The following KHDRBS2 variants were observed in gnomAD, a reference collection of about 807,000 sequenced individuals.
KHDRBS2 encodes the protein KH domain-containing, RNA-binding, signal transduction-associated protein 2.
A neutral mutation model predicts 44.3 loss-of-function variants in KHDRBS2; 26 were observed. The ratio of observed to expected loss-of-function variants is 0.59; its 90% CI spans 0.43 to 0.81. The LOEUF (loss-of-function observed/expected upper bound fraction) is 0.81. KHDRBS2 is among the 40% of genes least tolerant of loss of function. KHDRBS2 has a pLI of 0.00. For missense variants in KHDRBS2, 476 were observed against 433.1 expected, an observed-to-expected ratio of 1.10 and a Z score of -0.88; for synonymous variants, 194 against 151.1, an observed-to-expected ratio of 1.28 and a Z score of -2.08.
chr6:61,658,300 TA>T, the KHDRBS2 span, among the ~76,000 whole-genome samples: 1 of 151,900 alleles, frequency 6.6e-6, no homozygotes, highest in Non-Finnish European at 1.5e-5. Flanking sequence ...TTTATTGTTT[TA>T]TTTACTATTC....
rs553789413 is a variant in KHDRBS2 at position 61,823,500 on chromosome 6, TGCCAAGTGA to T, written c.810+71126_810+71134del. Reference sequence around the variant, plus strand: ...TGATGGTTAAAGACATAGTCTAATGTGCCAAGTGAGCAAGTTCAGAAATAGAATATTTCT... The same window carrying T: ...TGATGGTTAAAGACATAGTCTAATGTGCAAGTTCAGAAATAGAATATTTCT... On this transcript the variant is annotated intron_variant, in intron 6 of 8. Coordinates refer to ENST00000281156, the MANE Select transcript of KHDRBS2 (RefSeq NM_152688.4). Among the ~76,000 whole-genome samples, 639 of 152,218 alleles carry T rather than the reference TGCCAAGTGA, an allele frequency of 4.2e-3. 7 individuals are homozygous for T. Among genetic ancestry groups the T allele is most frequent in the African/African-American group, 0.015 (614 of 41,560 alleles).
At chr6:62,067,933 T>TA (rs1202287507) in intron 2 of KHDRBS2, among the ~76,000 whole-genome samples, 1 of 151,638 alleles carries the variant, frequency 6.6e-6, no homozygotes, top group Non-Finnish European at 1.5e-5. Flanking sequence ...TGTGGATATA[T>TA]TTTGTCTATT....
chr6:61,570,465 G>A, the KHDRBS2 span, among the ~76,000 whole-genome samples: 10 of 151,940 alleles, frequency 6.6e-5, no homozygotes, highest in African/African-American at 2.4e-4. Context: ...TGAAAAAGAA[G>A]AGAAATCTTA....
intron 3 of KHDRBS2, among the ~76,000 whole-genome samples, chr6:61,980,664 C>A (rs1310474933): frequency 6.6e-6 from 1 of 151,992 alleles, no homozygotes; most frequent in East Asian, 1.9e-4. Flanking sequence ...TGTTCAGGAC[C>A]CAGATGGCAT....
At chr6:61,702,215 G>A (rs946430749) in intron 7 of KHDRBS2, among the ~76,000 whole-genome samples, 2 of 151,904 alleles carry the variant, frequency 1.3e-5, no homozygotes, top group African/African-American at 2.4e-5. Context: ...ACCTTTGAGT[G>A]TCTATGTGCA....
At chr6:61,992,218 A>C (rs763706362) in intron 3 of KHDRBS2, among the ~76,000 whole-genome samples, 1 of 152,162 alleles carries the variant, frequency 6.6e-6, no homozygotes, top group Non-Finnish European at 1.5e-5. Context: ...CCTAAACTTC[A>C]ACAATTTTAT....
chr6:61,855,900 C>A (rs1291723439), intron 6 of KHDRBS2, among the ~76,000 whole-genome samples: 1 of 152,012 alleles, frequency 6.6e-6, no homozygotes, highest in Non-Finnish European at 1.5e-5. Context: ...CTTTCTCTCA[C>A]TCAGCCCACT....
At chr6:61,775,890 A>G (rs1239732320) in intron 6 of KHDRBS2, among the ~76,000 whole-genome samples, 2 of 152,200 alleles carry the variant, frequency 1.3e-5, no homozygotes, top group Non-Finnish European at 2.9e-5. Context: ...GACTTCAAAT[A>G]TACTACAAGG....
rs575399376 is a variant in KHDRBS2, at chr6:61,931,297, C to G, written c.484-29926G>C. On this transcript the variant is annotated intron_variant, in intron 4 of 8. Transcript: ENST00000281156. Reference sequence around the variant, plus strand: ...TCCGTAACCCTCTGAAGGTCATTTACTGAAACTTTCAGGTAACTAAACTTT... The same window carrying G: ...TCCGTAACCCTCTGAAGGTCATTTAGTGAAACTTTCAGGTAACTAAACTTT... 2.6e-4 allele frequency among the ~76,000 whole-genome samples: 39 copies of G among 151,962 alleles called. No individual in the cohort carries two copies. In the East Asian group the frequency reaches 7.0e-3, roughly 27 times the overall value.
intron 2 of KHDRBS2, among the ~76,000 whole-genome samples, chr6:62,072,727 G>A (rs1044285231): frequency 1.3e-5 from 2 of 152,218 alleles, no homozygotes; most frequent in Non-Finnish European, 1.5e-5. Flanking sequence ...TTGATGTGCT[G>A]CTGGATTCGG....
At chr6:62,056,579 C>T (rs879499489) in intron 2 of KHDRBS2, among the ~76,000 whole-genome samples, 1 of 151,948 alleles carries the variant, frequency 6.6e-6, no homozygotes, top group Non-Finnish European at 1.5e-5. Flanking sequence ...ATACTCCACA[C>T]ATGAAAGTTA....
chr6:62,256,178 A>G, intron 1 of KHDRBS2, among the ~76,000 whole-genome samples: 1 of 151,866 alleles, frequency 6.6e-6, no homozygotes, highest in East Asian at 1.9e-4. Flanking sequence ...TCATCTCAGC[A>G]TTAGGGAAAT....
At chr6:61,693,251 G>A (rs370425545) in intron 8 of KHDRBS2, among the ~76,000 whole-genome samples, 1 of 151,940 alleles carries the variant, frequency 6.6e-6, no homozygotes, top group Non-Finnish European at 1.5e-5. Context: ...TGCCTATTTG[G>A]ATATTTTATT....
intron 6 of KHDRBS2, among the ~76,000 whole-genome samples, chr6:61,773,661 G>A (rs1178689997): frequency 1.3e-5 from 2 of 150,696 alleles, no homozygotes; most frequent in African/African-American, 4.9e-5. Context: ...GATCCCATTT[G>A]TCAATTTTGG....
intron 7 of KHDRBS2, 101 bp downstream of exon 7, chr6:61,732,581 T>C (rs1219073083): frequency 1.8e-5 from 13 of 736,238 alleles, no homozygotes; most frequent in Non-Finnish European, 3.2e-5. Context: ...GAAAAAACAC[T>C]ACTAGAAATT....
At chr6:62,118,439 T>C (rs932493648) in intron 2 of KHDRBS2, among the ~76,000 whole-genome samples, 1 of 152,164 alleles carries the variant, frequency 6.6e-6, no homozygotes, top group African/African-American at 2.4e-5. Context: ...AAGGAGAATG[T>C]CATTGATGTT....
intron 7 of KHDRBS2, among the ~76,000 whole-genome samples, chr6:61,729,873 C>A (rs1349294273): frequency 6.6e-6 from 1 of 151,942 alleles, no homozygotes; most frequent in Admixed American, 6.6e-5. Flanking sequence ...ATATGTTTTG[C>A]TAATATTGCT....
chr6:61,980,254 T>C (rs1296609668), intron 3 of KHDRBS2, among the ~76,000 whole-genome samples: 1 of 152,152 alleles, frequency 6.6e-6, no homozygotes, highest in Non-Finnish European at 1.5e-5. Flanking sequence ...GAATAGTAGC[T>C]ACCTGCTTTT....
chr6:62,275,895 C>A (rs150781788), intron 1 of KHDRBS2, among the ~76,000 whole-genome samples: 148 of 152,200 alleles, frequency 9.7e-4, no homozygotes, highest in African/African-American at 3.4e-3. Context: ...ATATTAGCTG[C>A]CTCTCAGAAT....
Sources: gnomAD v4.1 joint callset for allele counts (sites outside exome capture counted in the v4.1 genomes callset) on GRCh38, gnomAD v4.1.1 for gene constraint, MANE v1.5 for transcripts, NCBI Gene and HGNC (gene_info 2026-07-23, HGNC 2026-07-21) for gene names.